The following STAC variants were observed in gnomAD, a reference collection of about 807,000 sequenced individuals.
STAC encodes the protein SH3 and cysteine rich domain, also known as SH3 and cysteine-rich domain-containing protein.
In STAC, 43 loss-of-function variants were observed where a neutral mutation model predicts 48.8. The observed-to-expected ratio is 0.88, with a 90% CI of 0.69 to 1.14. The LOEUF (loss-of-function observed/expected upper bound fraction) is 1.14. STAC is among the 50% of genes most tolerant of loss of function. The pLI, the probability that STAC is intolerant of heterozygous loss-of-function variation, is 0.00. For synonymous variants in STAC, 193 were observed against 179.5 expected (o/e 1.07, Z -0.60); for missense variants, 497 against 504.0 (o/e 0.99, Z 0.13).
chr3:36,389,776 G>A (rs1379395369), intron 1 of STAC, among the ~76,000 whole-genome samples: 2 of 152,104 alleles, frequency 1.3e-5, no homozygotes, highest in Non-Finnish European at 2.9e-5. Context: ...AAGCTTTCCT[G>A]TCCCTCACTT....
intron 6 of STAC, among the ~76,000 whole-genome samples, chr3:36,494,167 A>AG (rs1406807974): frequency 2.7e-5 from 4 of 150,808 alleles, no homozygotes; most frequent in East Asian, 2.0e-4. Flanking sequence ...AAAAAAAAAA[A>AG]AAAAAAAGAA....
At chr3:36,492,033 T>A (rs12639323) in intron 5 of STAC, among the ~76,000 whole-genome samples, 991 of 16,756 alleles carry the variant, frequency 0.059, 22 homozygotes, top group Non-Finnish European at 0.069. Flanking sequence ...AAAAAAAAAA[T>A]ATATATATAT....
intron 8 of STAC, among the ~76,000 whole-genome samples, chr3:36,518,837 G>A (rs568084099): frequency 7.2e-5 from 11 of 152,208 alleles, no homozygotes; most frequent in African/African-American, 1.4e-4. Context: ...ACCTCTCATC[G>A]CATGATAGCC....
At chr3:36,432,094 A>G (rs1391861063) in intron 1 of STAC, among the ~76,000 whole-genome samples, 6 of 152,210 alleles carry the variant, frequency 3.9e-5, no homozygotes, top group South Asian at 2.1e-4. Context: ...CAGATATGGC[A>G]GAGGTGTGGT....
At chr3:36,516,522 A>C (rs1698676723) in intron 8 of STAC, among the ~76,000 whole-genome samples, 1 of 152,156 alleles carries the variant, frequency 6.6e-6, no homozygotes, top group African/African-American at 2.4e-5. Context: ...TGCCATGAAA[A>C]ATTAGAAATA....
chr3:36,410,871 C>T (rs1207230427), intron 1 of STAC, among the ~76,000 whole-genome samples: 1 of 152,172 alleles, frequency 6.6e-6, no homozygotes, highest in Non-Finnish European at 1.5e-5. Context: ...GCCTCTGGCT[C>T]ATACAATCAG....
chr3:36,521,400 A>G (rs1176784494), intron 8 of STAC, among the ~76,000 whole-genome samples: 3 of 152,130 alleles, frequency 2.0e-5, no homozygotes, highest in Non-Finnish European at 4.4e-5. Context: ...GCAACTGTTC[A>G]TGACAACATT....
chr3:36,521,777 G>A (rs1035399408), intron 8 of STAC, among the ~76,000 whole-genome samples: 2 of 152,150 alleles, frequency 1.3e-5, no homozygotes, highest in Admixed American at 1.3e-4. Flanking sequence ...AAGCCCTACT[G>A]TATATCAATC....
intron 2 of STAC, among the ~76,000 whole-genome samples, chr3:36,457,789 AG>A (rs1696893674): frequency 6.6e-6 from 1 of 152,214 alleles, no homozygotes; most frequent in Non-Finnish European, 1.5e-5. Context: ...CACACAAAAG[AG>A]AAGAAAAGCC....
chr3:36,437,718 G>C lies in STAC; in HGVS notation c.112-5646G>C, dbSNP rs1696188300. Among the ~76,000 whole-genome samples the C allele has an allele frequency of 2.0e-5, 3 of 150,764 alleles. No homozygotes were observed. In the South Asian group the frequency reaches 6.3e-4, roughly 32 times the overall value. ...GGTTCAGCACCCCAGCATGGCACAT[G>C]TATACATATGTAACTAACCTGCACA... is the stretch of plus-strand genomic sequence containing the variant. On this transcript the variant is annotated intron_variant, in intron 1 of 10. Transcript: ENST00000273183.
intron 1 of STAC, among the ~76,000 whole-genome samples, chr3:36,416,085 A>G (rs1291012433): frequency 1.3e-5 from 2 of 152,120 alleles, no homozygotes; most frequent in Non-Finnish European, 2.9e-5. Flanking sequence ...TTATTCTGTA[A>G]TATAATTTTT....
At chr3:36,510,933 G>A (rs537787858) in intron 8 of STAC, among the ~76,000 whole-genome samples, 1 of 151,804 alleles carries the variant, frequency 6.6e-6, no homozygotes, top group African/African-American at 2.4e-5. Flanking sequence ...TTCTGCACAT[G>A]TATCCCAGAA....
In STAC at chr3:36,486,354, G is replaced by A. The variant is rs970239441; in HGVS notation, c.687+105G>A. The A allele has an allele frequency of 9.5e-6, 9 of 952,034 alleles. No individual in the cohort carries two copies. In the African/African-American group the frequency reaches 1.5e-4, roughly 16 times the overall value. The allele number at this position is 952,034 out of a possible 1,614,324, so 59.0% of individuals were successfully genotyped here. ...TCCACCTGACTGCCTCATGAGGGCA[G>A]GTCTGCAGGGAGTCAGGCACCTGCC... On this transcript the variant is annotated intron_variant, in intron 5 of 10. Transcript: ENST00000273183.
intron 1 of STAC, among the ~76,000 whole-genome samples, chr3:36,394,230 C>T (rs73054131): frequency 0.023 from 3,551 of 152,138 alleles, 61 homozygotes; most frequent in East Asian, 0.026. Context: ...AAAATCAGTT[C>T]CTTAGTAACA....
intron 5 of STAC, among the ~76,000 whole-genome samples, chr3:36,491,305 A>G (rs1697959700): frequency 6.6e-6 from 1 of 152,184 alleles, no homozygotes; most frequent in South Asian, 2.1e-4. Context: ...CCAAATTGTT[A>G]TGTTTTCCTC....
intron 2 of STAC, among the ~76,000 whole-genome samples, chr3:36,459,517 T>C (rs1696945204): frequency 6.6e-6 from 1 of 152,244 alleles, no homozygotes; most frequent in African/African-American, 2.4e-5. Flanking sequence ...AATCAATTTT[T>C]AATTTTCCAG....
intron 1 of STAC, among the ~76,000 whole-genome samples, chr3:36,391,259 CT>C (rs1699746362): frequency 6.6e-6 from 1 of 152,182 alleles, no homozygotes; most frequent in Non-Finnish European, 1.5e-5. Context: ...AGAAGTTGCT[CT>C]TTGATCCCAC....
intron 6 of STAC, 35 bp downstream of exon 6, chr3:36,493,264 C>A: frequency 6.2e-7 from 1 of 1,604,974 alleles, no homozygotes; most frequent in South Asian, 1.1e-5. Flanking sequence ...CAAATGTGAT[C>A]ACATGAGTCA....
At chr3:36,431,674 G>A (rs1423264822) in intron 1 of STAC, among the ~76,000 whole-genome samples, 1 of 151,914 alleles carries the variant, frequency 6.6e-6, no homozygotes, top group Non-Finnish European at 1.5e-5. Flanking sequence ...AGAATTTGAG[G>A]AGGAAAAAAA....
Sources: gnomAD v4.1 joint callset for allele counts (sites outside exome capture counted in the v4.1 genomes callset) on GRCh38, gnomAD v4.1.1 for gene constraint, MANE v1.5 for transcripts, NCBI Gene and HGNC (gene_info 2026-07-23, HGNC 2026-07-21) for gene names.